The following CBFB variants were observed in gnomAD, a reference collection of about 807,000 sequenced individuals.
CBFB encodes the protein CBF-beta.
In CBFB, 9 loss-of-function variants were observed where a neutral mutation model predicts 30.4. That is an observed-to-expected ratio of 0.30 (90% CI 0.18 to 0.52). CBFB has a LOEUF of 0.52. Ranked by LOEUF, CBFB falls within the 20% of genes least tolerant of loss-of-function variation. The probability of loss-of-function intolerance (pLI) is 0.97; values close to 1 mark genes in which losing one functional copy is unlikely to be tolerated. For missense variants in CBFB, 170 were observed against 244.0 expected (o/e 0.70, Z 2.02); for synonymous variants, 94 against 84.0 (o/e 1.12, Z -0.65).
chr16:67,034,966 T>G (rs562881251), intron 2 of CBFB, among the ~76,000 whole-genome samples: 61 of 152,322 alleles, frequency 4.0e-4, no homozygotes, highest in Admixed American at 8.5e-4. Context: ...GAAAACTGAA[T>G]TATGCTTCAG....
chr16:67,067,059 T>A, intron 4 of CBFB: 1 of 239,662 alleles, frequency 4.2e-6, no homozygotes, highest in Non-Finnish European at 8.2e-6. Context: ...CTCTTTAAAA[T>A]ATTTATTCTT....
At chr16:67,073,708 C>T (rs146051595) in intron 4 of CBFB, among the ~76,000 whole-genome samples, 4,606 of 152,220 alleles carry the variant, frequency 0.03, 80 homozygotes, top group Admixed American at 0.034. Context: ...TGCCATTGCA[C>T]TCCAGCCTGG....
chr16:67,080,081 G>T (rs1225092223), intron 4 of CBFB, among the ~76,000 whole-genome samples: 1 of 152,212 alleles, frequency 6.6e-6, no homozygotes, highest in Non-Finnish European at 1.5e-5. Flanking sequence ...AACAGAGTGA[G>T]ACTCTGTCTC....
chr16:67,097,335 C>T (rs1962078806), intron 5 of CBFB, among the ~76,000 whole-genome samples: 1 of 152,144 alleles, frequency 6.6e-6, no homozygotes, highest in Non-Finnish European at 1.5e-5. Flanking sequence ...CACCTGAGGT[C>T]GGAAGTTCGA....
At chr16:67,046,479 T>C (rs182310092) in intron 3 of CBFB, among the ~76,000 whole-genome samples, 15 of 152,358 alleles carry the variant, frequency 9.8e-5, no homozygotes, top group Middle Eastern at 3.4e-3. Flanking sequence ...TTTGTAGCAC[T>C]GCTATGCCCT....
intron 5 of CBFB, among the ~76,000 whole-genome samples, chr16:67,093,233 C>T (rs1167596960): frequency 2.0e-5 from 3 of 152,170 alleles, no homozygotes; most frequent in African/African-American, 4.8e-5. Flanking sequence ...AGGCGTGAGC[C>T]ACCATGCCCA....
intron 3 of CBFB, among the ~76,000 whole-genome samples, chr16:67,064,552 G>A (rs1366868879): frequency 6.6e-6 from 1 of 152,136 alleles, no homozygotes; most frequent in African/African-American, 2.4e-5. Context: ...GTGGTATTAG[G>A]AGTGGGAAGA....
chr16:67,062,189 A>T (rs1300867604), intron 3 of CBFB, among the ~76,000 whole-genome samples: 4 of 150,732 alleles, frequency 2.7e-5, no homozygotes, highest in African/African-American at 9.7e-5. Flanking sequence ...TTTTTTTGAG[A>T]CAGAGTTTTG....
At chr16:67,056,684 C>CT (rs563093554) in intron 3 of CBFB, among the ~76,000 whole-genome samples, 5,215 of 135,042 alleles carry the variant, frequency 0.039, 175 homozygotes, top group East Asian at 0.091. Flanking sequence ...TTCTAGCAGG[C>CT]TTTTTTTTTT....
intron 3 of CBFB, among the ~76,000 whole-genome samples, chr16:67,056,909 T>C (rs943135717): frequency 6.6e-6 from 1 of 152,096 alleles, no homozygotes; most frequent in Non-Finnish European, 1.5e-5. Flanking sequence ...CTTGATCTCT[T>C]GACCTCGTGA....
chr16:67,095,361 C>T (rs947801681), intron 5 of CBFB, among the ~76,000 whole-genome samples: 1 of 151,670 alleles, frequency 6.6e-6, no homozygotes, highest in Non-Finnish European at 1.5e-5. Flanking sequence ...TACTAAAATA[C>T]AAAAAATTAG....
At chr16:67,089,827 T>G (rs1961833537) in intron 5 of CBFB, among the ~76,000 whole-genome samples, 1 of 152,158 alleles carries the variant, frequency 6.6e-6, no homozygotes, top group Non-Finnish European at 1.5e-5. Context: ...TTGAGCCTCA[T>G]CAGTAAAAAC....
chr16:67,068,732 C>T, intron 4 of CBFB, among the ~76,000 whole-genome samples: 1 of 152,152 alleles, frequency 6.6e-6, no homozygotes. Context: ...GCAATATAAA[C>T]TGTCTTTGAG....
At position 67,055,352 on chromosome 16, in the gene CBFB, A is replaced by T. The variant is rs574932433; in HGVS notation, c.283-11330A>T. Among the ~76,000 whole-genome samples, 85 of 126,850 alleles carry T rather than the reference A, an allele frequency of 6.7e-4. 1 individual carries two copies. Among genetic ancestry groups the T allele is most frequent in the African/African-American group, 2.7e-3 (82 of 29,868 alleles). 83.2% of individuals were successfully genotyped at this position (126,850 alleles called of 152,430 possible). A position where few individuals can be genotyped will look rare whatever the true frequency, so the allele number is the denominator to read the frequency against. ...GTATTAAATCTATTGAATTCCAGAC[A>T]CTTTCTTTTTTTTTTTTTTTTTTTT... On this transcript the variant is annotated intron_variant, in intron 3 of 5. Transcript: ENST00000412916.
intron 3 of CBFB, among the ~76,000 whole-genome samples, chr16:67,038,694 TGAA>T (rs144295735): frequency 0.036 from 5,492 of 152,074 alleles, 141 homozygotes; most frequent in South Asian, 0.077. Flanking sequence ...TGTGACTAAA[TGAA>T]GAAATTATTT....
intron 2 of CBFB, among the ~76,000 whole-genome samples, chr16:67,033,008 G>C (rs1393409128): frequency 6.6e-6 from 1 of 152,114 alleles, no homozygotes; most frequent in Non-Finnish European, 1.5e-5. Context: ...CTGAGTAGCT[G>C]GAATTACAGG....
At chr16:67,072,266 G>GC (rs1245207236) in intron 4 of CBFB, among the ~76,000 whole-genome samples, 5 of 151,864 alleles carry the variant, frequency 3.3e-5, no homozygotes, top group Non-Finnish European at 5.9e-5. Context: ...TTAAAAATAC[G>GC]TTTTTAAATA....
intron 3 of CBFB, 130 bp downstream of exon 3, chr16:67,036,885 TG>T: frequency 1.6e-6 from 1 of 643,846 alleles, no homozygotes. Context: ...TTTCATTCCA[TG>T]TTATAAGGAT....
At chr16:67,053,859 T>TA (rs1960637609) in intron 3 of CBFB, among the ~76,000 whole-genome samples, 1 of 150,414 alleles carries the variant, frequency 6.6e-6, no homozygotes, top group Non-Finnish European at 1.5e-5. Context: ...TTTTTTTTTT[T>TA]AATTTCTTTT....
Sources: allele counts gnomAD v4.1 joint callset (sites outside exome capture counted in the v4.1 genomes callset), GRCh38; gene constraint gnomAD v4.1.1; transcripts MANE v1.5; gene names NCBI Gene and HGNC (gene_info 2026-07-23, HGNC 2026-07-21).